The following SOX6 variants were observed in gnomAD, a reference collection of about 807,000 sequenced individuals.
The protein encoded by SOX6 is transcription factor SOX-6.
Under a neutral mutation model 97.8 loss-of-function variants are expected in SOX6, and 11 were observed. That is an observed-to-expected ratio of 0.11 (90% CI 0.07 to 0.19). SOX6 has a LOEUF of 0.19. Among genes scored for constraint, SOX6 ranks in the 10% least tolerant of loss-of-function variants. The pLI is 1.00. For synonymous variants in SOX6, 360 were observed against 371.4 expected (o/e 0.97, Z 0.35); for missense variants, 810 against 1,039.5 (o/e 0.78, Z 3.04).
chr11:16,311,777 T>C (rs1208815856), intron 3 of SOX6: 1 of 152,154 alleles, frequency 6.6e-6, no homozygotes, highest in African/African-American at 2.4e-5. Context: ...CTTTTAAAAA[T>C]GAATTTCCTC....
chr11:15,989,268 A>G, intron 13 of SOX6, 38 bp from the exon 14 acceptor site: 2 of 1,530,602 alleles, frequency 1.3e-6, no homozygotes, highest in Non-Finnish European at 1.8e-6. Flanking sequence ...ATGAGTGGAA[A>G]GCGTTATTTT....
chr11:16,254,771 C>CAGAA (rs1853633392), intron 3 of SOX6, among the ~76,000 whole-genome samples: 1 of 151,770 alleles, frequency 6.6e-6, no homozygotes, highest in Admixed American at 6.6e-5. Flanking sequence ...GGTACTAATC[C>CAGAA]AACTACACCA....
At chr11:16,575,669 G>A (rs116105616) in intron 4 of SOX6, among the ~76,000 whole-genome samples, 5 of 152,118 alleles carry the variant, frequency 3.3e-5, no homozygotes, top group African/African-American at 7.2e-5. Flanking sequence ...GGGCAAAATC[G>A]AACTATATTG....
intron 6 of SOX6, among the ~76,000 whole-genome samples, chr11:16,153,778 A>C (rs1251414029): frequency 6.6e-6 from 1 of 152,106 alleles, no homozygotes. Context: ...TCTCAAACTC[A>C]AGTTTTCCAG....
chr11:16,495,941 C>T (rs34809669), intron 4 of SOX6, among the ~76,000 whole-genome samples: 1 of 152,194 alleles, frequency 6.6e-6, no homozygotes, highest in Non-Finnish European at 1.5e-5. Flanking sequence ...CAACCACAGC[C>T]TAAGCCACTG....
chr11:16,682,501 A>T (rs1847936025), intron 3 of SOX6, among the ~76,000 whole-genome samples: 1 of 152,232 alleles, frequency 6.6e-6, no homozygotes, highest in Non-Finnish European at 1.5e-5. Context: ...TGATTATCTC[A>T]ACAGATGCAG....
chr11:16,648,323 C>G (rs1849043870), intron 3 of SOX6, among the ~76,000 whole-genome samples: 1 of 152,078 alleles, frequency 6.6e-6, no homozygotes, highest in African/African-American at 2.4e-5. Flanking sequence ...ACCCCCCAAC[C>G]CTCACAGTGG....
chr11:16,182,143 T>G (rs1051378603), intron 6 of SOX6, among the ~76,000 whole-genome samples: 30 of 151,860 alleles, frequency 2.0e-4, no homozygotes, highest in Admixed American at 1.2e-3. Flanking sequence ...TGAACTGATT[T>G]GGTTGCTGTT....
At chr11:16,447,285 T>C (rs931112330) in intron 1 of SOX6, among the ~76,000 whole-genome samples, 1 of 152,182 alleles carries the variant, frequency 6.6e-6, no homozygotes, top group East Asian at 1.9e-4. Flanking sequence ...TAAACCAATC[T>C]TGAATATGAA....
At chr11:16,733,802 G>A (rs1177274134) in intron 2 of SOX6, among the ~76,000 whole-genome samples, 2 of 151,116 alleles carry the variant, frequency 1.3e-5, no homozygotes, top group South Asian at 4.2e-4. Flanking sequence ...CGAGGCGGGT[G>A]GATCACAGGG....
rs548027068 is a variant in SOX6 at position 16,722,323 on chromosome 11, C to A, written n.354-7418G>T. 3.9e-5 allele frequency among the ~76,000 whole-genome samples: 6 copies of A among 152,206 alleles called. No individual in the cohort carries two copies. The South Asian group carries it at 1.2e-3, about 32-fold the overall frequency. ...CTATAAGGAACTTAAATAAACTAAA[C>A]AAATTTACAAGAGAGAAATAAACAA... On this transcript the variant is annotated intron_variant and non_coding_transcript_variant, in intron 2 of 5. Coordinates refer to the SOX6 transcript ENST00000524520.
At chr11:16,226,216 T>A (rs769902358) in intron 4 of SOX6, among the ~76,000 whole-genome samples, 5 of 152,118 alleles carry the variant, frequency 3.3e-5, no homozygotes, top group Admixed American at 6.6e-5. Flanking sequence ...TACAAGAACA[T>A]CTACCTTGAT....
At chr11:16,646,016 G>A (rs1353214804) in intron 3 of SOX6, 1 of 152,120 alleles carries the variant, frequency 6.6e-6, no homozygotes, top group Admixed American at 6.5e-5. Context: ...GACTCTGTTG[G>A]GCTCTACTGG....
intron 3 of SOX6, among the ~76,000 whole-genome samples, chr11:16,707,794 T>G (rs967868483): frequency 3.9e-5 from 6 of 152,162 alleles, no homozygotes; most frequent in Non-Finnish European, 8.8e-5. Flanking sequence ...CAGAATTACT[T>G]TCAGCAAAGT....
intron 4 of SOX6, among the ~76,000 whole-genome samples, chr11:16,200,442 C>G (rs148913418): frequency 7.0e-4 from 106 of 152,280 alleles, no homozygotes; most frequent in African/African-American, 2.4e-3. Context: ...GTATTTGTAG[C>G]TAGTTTCTTT....
chr11:16,019,675 T>C (rs577597004), intron 12 of SOX6, among the ~76,000 whole-genome samples: 112 of 152,242 alleles, frequency 7.4e-4, no homozygotes, highest in African/African-American at 2.6e-3. Context: ...CTGGTATGAT[T>C]CTTTCTTAGG....
At chr11:16,298,540 TA>T (rs931344724) in intron 3 of SOX6, among the ~76,000 whole-genome samples, 4 of 151,764 alleles carry the variant, frequency 2.6e-5, no homozygotes, top group African/African-American at 9.7e-5. Flanking sequence ...CCCAAAGAAA[TA>T]AAAAAGAAAG....
intron 9 of SOX6, among the ~76,000 whole-genome samples, chr11:16,064,239 G>A (rs1391081879): frequency 1.3e-5 from 2 of 151,602 alleles, no homozygotes; most frequent in East Asian, 1.9e-4. Flanking sequence ...AGTATAAGTA[G>A]ACAGAGCTTG....
chr11:16,146,506 T>A (rs1388215444), intron 6 of SOX6, among the ~76,000 whole-genome samples: 1 of 151,982 alleles, frequency 6.6e-6, no homozygotes, highest in Non-Finnish European at 1.5e-5. Flanking sequence ...ACAAATGGGA[T>A]CTAATTAAAC....
Sources: allele counts gnomAD v4.1 joint callset (sites outside exome capture counted in the v4.1 genomes callset), GRCh38; gene constraint gnomAD v4.1.1; transcripts MANE v1.5; gene names NCBI Gene and HGNC (gene_info 2026-07-23, HGNC 2026-07-21).